The following CDC14A variants were observed in gnomAD, a reference collection of about 807,000 sequenced individuals.
The protein encoded by CDC14A is dual specificity protein phosphatase CDC14A.
A neutral mutation model predicts 74.4 loss-of-function variants in CDC14A; 53 were observed. The observed-to-expected ratio is 0.71, with a 90% confidence interval of 0.57 to 0.89. CDC14A has a LOEUF of 0.89. Among genes scored for constraint, CDC14A ranks in the 40% least tolerant of loss-of-function variants. The pLI is 0.00. For missense variants in CDC14A, 646 were observed against 713.7 expected (o/e 0.91, Z 1.08); for synonymous variants, 247 against 258.4 (o/e 0.96, Z 0.43).
rs554259805 is a variant in CDC14A, at chr1:100,431,146, C to T, written c.389+6845C>T. 8.5e-5 allele frequency among the ~76,000 whole-genome samples: 13 copies of T among 152,254 alleles called. No homozygotes were observed. The South Asian group carries it at 1.2e-3, about 15-fold the overall frequency. On this transcript the variant is annotated intron_variant, in intron 5 of 15. Coordinates refer to ENST00000336454, the MANE Select transcript of CDC14A (RefSeq NM_003672.4). ...TCTTGTTAAAGTGCTAAGTAAGCTC[C>T]GCTATACAGGACCTGAGAAGAGAAA... is the stretch of plus-strand genomic sequence containing the variant.
At chr1:100,405,382 T>G (rs867844544) in intron 4 of CDC14A, among the ~76,000 whole-genome samples, 2 of 152,228 alleles carry the variant, frequency 1.3e-5, no homozygotes, top group Admixed American at 6.5e-5. Flanking sequence ...TACATATTTT[T>G]TTTTCTTCAA....
At chr1:100,429,234 T>TAAATAAAC (rs60569646) in intron 5 of CDC14A, among the ~76,000 whole-genome samples, 9 of 146,500 alleles carry the variant, frequency 6.1e-5, no homozygotes, top group African/African-American at 2.0e-4. Context: ...AATAAATAAA[T>TAAATAAAC]ATAAAATAAA....
At chr1:100,448,999 A>T (rs1238144560) in intron 7 of CDC14A, among the ~76,000 whole-genome samples, 1 of 152,142 alleles carries the variant, frequency 6.6e-6, no homozygotes, top group African/African-American at 2.4e-5. Flanking sequence ...TATGCTTATC[A>T]ATTTAGTTGT....
At chr1:100,351,686 G>GT (rs1341312153), upstream of CDC14A, 6 of 1,487,806 alleles carry the variant, frequency 4.0e-6, no homozygotes, top group African/African-American at 8.4e-5. Context: ...CCGGAGCACT[G>GT]TAAAGATTAG....
In CDC14A at chr1:100,475,119, A is replaced by G. The variant is rs147849808; in HGVS notation, c.977+7025A>G. 7.4e-3 allele frequency among the ~76,000 whole-genome samples: 1,132 copies of G among 151,968 alleles called. 11 individuals are homozygous for G. The highest frequency in any genetic ancestry group is 0.026 in the African/African-American group (1,071 of 41,410). The stretch of plus-strand genomic sequence containing the variant: ...TTTTATTTTTAGTTTATTTTCTCTT[A>G]GTTATTCAGATTGGGTAGTTTCTAC... On this transcript the variant is annotated intron_variant, in intron 10 of 15. Transcript: ENST00000336454.
In CDC14A at chr1:100,390,831, AC is replaced by A. The variant is rs1277427053; in HGVS notation, c.309+9del. Reference sequence around the variant, plus strand: ...TTTGATAGGTGCCTATGCAGTAAGTACCTTCTTCATGATTATTTTCTATAAT... The same window carrying A: ...TTTGATAGGTGCCTATGCAGTAAGTACTTCTTCATGATTATTTTCTATAAT... On this transcript the variant is annotated splice_region_variant and intron_variant, in intron 4 of 15. Transcript: ENST00000336454. 18 of 1,589,674 alleles carry A rather than the reference AC, an allele frequency of 1.1e-5. No homozygotes were observed. The highest frequency in any genetic ancestry group is 1.6e-5 in the Non-Finnish European group (18 of 1,158,864).
chr1:100,357,493 G>A (rs1394601746), intron 2 of CDC14A, among the ~76,000 whole-genome samples: 2 of 152,174 alleles, frequency 1.3e-5, no homozygotes, highest in Non-Finnish European at 2.9e-5. Flanking sequence ...GTCCTACAGC[G>A]AGAAAGATTT....
rs551138659 is a variant in CDC14A at position 100,498,196 on chromosome 1, C to T, written c.1410C>T (p.Ala470=). The T allele has an allele frequency of 1.1e-5, 17 of 1,613,800 alleles. No individual in the cohort carries two copies. The Admixed American group carries it at 2.2e-4, about 21-fold the overall frequency. Reference sequence around the variant, plus strand: ...ACAGAACTTCTTTGTCTTCGGGTGCCACTGTAAGAAGGTAATTTTTCTCTC... The same window carrying T: ...ACAGAACTTCTTTGTCTTCGGGTGCTACTGTAAGAAGGTAATTTTTCTCTC... ...RINRTSLSSG[A]TVRSFSINSR... Residue 470 remains alanine (A), a synonymous_variant, in exon 14 of 16, where the codon GCC becomes GCT. Coordinates refer to ENST00000336454, the MANE Select transcript of CDC14A (RefSeq NM_003672.4).
At chr1:100,431,354 G>A (rs184340618) in intron 5 of CDC14A, among the ~76,000 whole-genome samples, 164 of 151,852 alleles carry the variant, frequency 1.1e-3, no homozygotes, top group African/African-American at 3.3e-3. Context: ...CAAACTTAGT[G>A]AAGTAGGGTA....
chr1:100,514,167 A>C (rs1650009920), intron 15 of CDC14A, among the ~76,000 whole-genome samples: 1 of 36,984 alleles, frequency 2.7e-5, no homozygotes, highest in Non-Finnish European at 2.1e-4. Flanking sequence ...AGGTATAAAA[A>C]TTATTTTCAC....
At chr1:100,472,379 C>G (rs1204435495) in intron 10 of CDC14A, among the ~76,000 whole-genome samples, 3 of 152,106 alleles carry the variant, frequency 2.0e-5, no homozygotes, top group Non-Finnish European at 4.4e-5. Flanking sequence ...TTGTCAGTCT[C>G]TTAAATTTAA....
chr1:100,362,097 T>C (rs1012726911), intron 2 of CDC14A, among the ~76,000 whole-genome samples: 1 of 152,178 alleles, frequency 6.6e-6, no homozygotes, highest in African/African-American at 2.4e-5. Flanking sequence ...TATTCTGTTT[T>C]GTTTTGAGGA....
rs112971319 is a variant in CDC14A at position 100,485,479 on chromosome 1, G to A, written c.1137+1028G>A. 3.5e-4 allele frequency: 76 copies of A among 215,380 alleles called. 1 individual carries two copies. The highest frequency in any genetic ancestry group is 2.5e-3 in the Middle Eastern group (1 of 396). The allele number at this position is 215,380 out of a possible 1,614,324, so 13.3% of individuals were successfully genotyped here. A position where few individuals can be genotyped will look rare whatever the true frequency, so the allele number is the denominator to read the frequency against. ...ACTTGGGAGACTGAGGTGGGAGGAT[G>A]TTTGAGCCCAGTGGTCGAAGCTGTA... is the stretch of plus-strand genomic sequence containing the variant. On this transcript the variant is annotated intron_variant, in intron 11 of 15. Transcript: ENST00000336454.
chr1:100,446,548 T>A (rs1665560102), intron 7 of CDC14A, among the ~76,000 whole-genome samples: 1 of 152,256 alleles, frequency 6.6e-6, no homozygotes, highest in East Asian at 1.9e-4. Context: ...CAATACATTT[T>A]ACTTGTTGTA....
intron 15 of CDC14A, among the ~76,000 whole-genome samples, chr1:100,515,373 C>T (rs1650102288): frequency 6.6e-6 from 1 of 151,322 alleles, no homozygotes; most frequent in South Asian, 2.1e-4. Flanking sequence ...CCCCTTAGTG[C>T]ATTTCTTTCT....
intron 1 of CDC14A, among the ~76,000 whole-genome samples, chr1:100,346,731 A>G (rs1650464973): frequency 6.6e-6 from 1 of 152,182 alleles, no homozygotes; most frequent in East Asian, 1.9e-4. Context: ...TTTGTTAAGT[A>G]TAGCAAACTG....
chr1:100,357,690 G>A lies in CDC14A; in HGVS notation c.140+3838G>A, dbSNP rs1652113517. ...GCGACAGGATTGCTTGAGGCCTGCA[G>A]TTGAACTGAAAAGCCAGCCTGCCAG... On this transcript the variant is annotated intron_variant, in intron 2 of 15. Coordinates refer to ENST00000336454, the MANE Select transcript of CDC14A (RefSeq NM_003672.4). 3.3e-5 allele frequency among the ~76,000 whole-genome samples: 5 copies of A among 149,704 alleles called. No individual in the cohort carries two copies. The South Asian group carries it at 1.1e-3, about 32-fold the overall frequency.
chr1:100,509,590 T>G (rs1649540830), intron 15 of CDC14A, among the ~76,000 whole-genome samples: 1 of 152,256 alleles, frequency 6.6e-6, no homozygotes, highest in Non-Finnish European at 1.5e-5. Context: ...AGGCATATTT[T>G]TATTGCACCT....
At chr1:100,362,510 A>G (rs1248554264) in intron 2 of CDC14A, among the ~76,000 whole-genome samples, 2 of 152,188 alleles carry the variant, frequency 1.3e-5, no homozygotes, top group Non-Finnish European at 2.9e-5. Flanking sequence ...TTTCGGGGAA[A>G]GGATATACCA....
Sources: gnomAD v4.1 joint callset for allele counts (sites outside exome capture counted in the v4.1 genomes callset) on GRCh38, gnomAD v4.1.1 for gene constraint, MANE v1.5 for transcripts, NCBI Gene and HGNC (gene_info 2026-07-23, HGNC 2026-07-21) for gene names.